Variants in SORBS2 observed in about 807,000 individuals in gnomAD.
SORBS2 encodes the protein sorbin and SH3 domain containing 2.
SORBS2 carries 46 observed loss-of-function variants against 97.7 expected under a neutral mutation model. The observed-to-expected ratio is 0.47, with a 90% CI of 0.37 to 0.60. The LOEUF is 0.60. Among genes scored for constraint, SORBS2 ranks in the 20% least tolerant of loss-of-function variants. The pLI is 0.00. For missense variants in SORBS2, 1,316 were observed against 1,282.3 expected (o/e 1.03, Z -0.40); for synonymous variants, 476 against 473.4 (o/e 1.01, Z -0.07).
chr4:185,647,300 C>T lies in SORBS2; in HGVS notation c.282-518G>A, dbSNP rs138030910. 5.3e-3 allele frequency among the ~76,000 whole-genome samples: 807 copies of T among 152,158 alleles called. 1 individual carries two copies. Among genetic ancestry groups the T allele is most frequent in the African/African-American group, 0.018 (726 of 41,482 alleles). On this transcript the variant is annotated intron_variant, in intron 3 of 14. Transcript: ENST00000418609. ...CTCATTCATGGGAACCAGCACTTTTCCCCCAAGGAATATCTTCCAAGAGGC... is the reference window on the plus strand; with the variant it reads ...CTCATTCATGGGAACCAGCACTTTTTCCCCAAGGAATATCTTCCAAGAGGC...
chr4:185,857,761 G>T (rs1355376376), intron 1 of SORBS2, among the ~76,000 whole-genome samples: 1 of 152,170 alleles, frequency 6.6e-6, no homozygotes, highest in African/African-American at 2.4e-5. Context: ...GATAAGGGAT[G>T]AAATACGCCC....
chr4:185,742,579 ATC>A (rs2098734080), intron 2 of SORBS2, among the ~76,000 whole-genome samples: 1 of 152,220 alleles, frequency 6.6e-6, no homozygotes, highest in South Asian at 2.1e-4. Context: ...CCAATAAGAT[ATC>A]CCCCTAAACT....
At chr4:185,889,496 T>C (rs1329664073) in intron 1 of SORBS2, among the ~76,000 whole-genome samples, 1 of 152,184 alleles carries the variant, frequency 6.6e-6, no homozygotes, top group Non-Finnish European at 1.5e-5. Context: ...CAGTTACTGC[T>C]TCTGGGACAT....
chr4:185,750,981 C>T (rs536869759), intron 2 of SORBS2, among the ~76,000 whole-genome samples: 73 of 151,164 alleles, frequency 4.8e-4, no homozygotes, highest in Admixed American at 7.9e-4. Flanking sequence ...GGCACTTTAG[C>T]GATCCAAAAA....
upstream of SORBS2, chr4:185,657,219 A>C (rs947685941): frequency 4.5e-6 from 2 of 448,832 alleles, no homozygotes; most frequent in African/African-American, 4.1e-5. Flanking sequence ...TGTTTCATTC[A>C]AATGGAAAAA....
chr4:185,893,382 C>T (rs1344651929), intron 1 of SORBS2, among the ~76,000 whole-genome samples: 1 of 152,238 alleles, frequency 6.6e-6, no homozygotes, highest in Non-Finnish European at 1.5e-5. Flanking sequence ...CTGGGAGCTG[C>T]TTCCTGGGCT....
At chr4:185,933,288 T>C (rs527860765) in intron 1 of SORBS2, 1 of 152,322 alleles carries the variant, frequency 6.6e-6, no homozygotes, top group South Asian at 2.1e-4. Context: ...AGAGTATCGC[T>C]GTAGAATCAT....
intron 4 of SORBS2, among the ~76,000 whole-genome samples, chr4:185,669,717 G>A (rs1032523610): frequency 7.2e-5 from 11 of 152,146 alleles, no homozygotes; most frequent in East Asian, 1.9e-4. Flanking sequence ...CAAAAATGTC[G>A]AAAATATAAA....
chr4:185,668,554 T>C (rs2097656161), intron 4 of SORBS2, among the ~76,000 whole-genome samples: 1 of 152,128 alleles, frequency 6.6e-6, no homozygotes, highest in Non-Finnish European at 1.5e-5. Context: ...GACCCCAATC[T>C]TCACATGAAT....
At chr4:185,614,651 G>A in intron 11 of SORBS2, 180 bp downstream of exon 23, 1 of 675,220 alleles carries the variant, frequency 1.5e-6, no homozygotes, top group East Asian at 2.9e-5. Flanking sequence ...AAGGACACAG[G>A]GACCAGCAGG....
chr4:185,705,800 C>A (rs966956013), intron 2 of SORBS2, among the ~76,000 whole-genome samples: 2 of 152,114 alleles, frequency 1.3e-5, no homozygotes, highest in African/African-American at 4.8e-5. Context: ...TGAGGATTCC[C>A]CTCATTTGCC....
At chr4:185,901,949 A>T (rs1195909056) in intron 1 of SORBS2, among the ~76,000 whole-genome samples, 1 of 152,188 alleles carries the variant, frequency 6.6e-6, no homozygotes, top group Non-Finnish European at 1.5e-5. Context: ...ATTTCTGTTG[A>T]GTCTTCTGTT....
chr4:185,729,792 T>C (rs12650192), intron 2 of SORBS2, among the ~76,000 whole-genome samples: 29,408 of 152,220 alleles, frequency 0.19, 3,075 homozygotes, highest in Middle Eastern at 0.24. Flanking sequence ...GTACAACTTA[T>C]GTAATTTTTT....
At chr4:185,840,307 T>TGC (rs2099210723) in intron 1 of SORBS2, among the ~76,000 whole-genome samples, 1 of 152,228 alleles carries the variant, frequency 6.6e-6, no homozygotes, top group South Asian at 2.1e-4. Flanking sequence ...ATGGAATGCC[T>TGC]GCTTGTTTGC....
intron 2 of SORBS2, among the ~76,000 whole-genome samples, chr4:185,769,089 A>G (rs1160032581): frequency 8.4e-6 from 1 of 118,950 alleles, no homozygotes; most frequent in Non-Finnish European, 1.7e-5. Flanking sequence ...CAGGGAAAAA[A>G]AAAAGTCAAC....
At chr4:185,774,372 C>T (rs887511754) in intron 2 of SORBS2, 2 of 151,888 alleles carry the variant, frequency 1.3e-5, no homozygotes, top group African/African-American at 2.4e-5. Context: ...AACTAAAGCT[C>T]CAATAAATTG....
chr4:185,665,335 CATT>C (rs1409796019), intron 4 of SORBS2, among the ~76,000 whole-genome samples: 2 of 152,140 alleles, frequency 1.3e-5, no homozygotes, highest in African/African-American at 2.4e-5. Context: ...ACACAGGACA[CATT>C]AATGTGAGTC....
At chr4:185,742,418 T>C (rs2098733106) in intron 2 of SORBS2, among the ~76,000 whole-genome samples, 1 of 152,208 alleles carries the variant, frequency 6.6e-6, no homozygotes. Flanking sequence ...TAGATTGTTC[T>C]TTTAGTCTTC....
intron 4 of SORBS2, among the ~76,000 whole-genome samples, chr4:185,637,007 T>A (rs2097019892): frequency 6.6e-6 from 1 of 152,210 alleles, no homozygotes; most frequent in East Asian, 1.9e-4. Flanking sequence ...GGGCTTCCTC[T>A]GGCGGGAGTC....
Sources: allele counts gnomAD v4.1 joint callset (sites outside exome capture counted in the v4.1 genomes callset), GRCh38; gene constraint gnomAD v4.1.1; transcripts MANE v1.5; gene names NCBI Gene and HGNC (gene_info 2026-07-23, HGNC 2026-07-21).